The following SEL1L2 variants were observed in gnomAD, a reference collection of about 807,000 sequenced individuals.
SEL1L2 encodes SEL1L2 adaptor subunit of SYVN1 ubiquitin ligase, also known as protein sel-1 homolog 2.
Under a neutral mutation model 98.8 loss-of-function variants are expected in SEL1L2, and 89 were observed. The ratio of observed to expected loss-of-function variants is 0.90; its 90% confidence interval spans 0.76 to 1.07. SEL1L2 has a LOEUF of 1.07. SEL1L2 is among the 50% of genes least tolerant of loss of function. SEL1L2 has a pLI of 0.00. For missense variants in SEL1L2, 788 were observed against 812.0 expected (o/e 0.97, Z 0.36); for synonymous variants, 262 against 278.5 (o/e 0.94, Z 0.59).
intron 18 of SEL1L2, among the ~76,000 whole-genome samples, chr20:13,854,374 G>T (rs188590344): frequency 8.5e-5 from 13 of 152,288 alleles, no homozygotes; most frequent in Admixed American, 1.3e-4. Context: ...ATGTAAAAAG[G>T]TTGTCATATG....
intron 10 of SEL1L2, among the ~76,000 whole-genome samples, chr20:13,878,001 T>A (rs1469638023): frequency 6.6e-6 from 1 of 152,142 alleles, no homozygotes; most frequent in Non-Finnish European, 1.5e-5. Flanking sequence ...GGATACACAG[T>A]TTGCTAATGT....
chr20:13,935,735 C>T lies in SEL1L2; in HGVS notation c.115-3964G>A, dbSNP rs143221259. Among the ~76,000 whole-genome samples the T allele has an allele frequency of 4.0e-3, 611 of 152,206 alleles. 1 individual carries two copies. Among genetic ancestry groups the T allele is most frequent in the East Asian group, 9.9e-3 (51 of 5,174 alleles). On this transcript the variant is annotated intron_variant, in intron 2 of 19. Transcript: ENST00000284951. ...TGGGAGCCCTATGGAGGGTTCTGAG[C>T]AGAGGAGTGATATTAACTGAATTAA...
At chr20:13,912,245 T>C (rs1483458370) in intron 5 of SEL1L2, among the ~76,000 whole-genome samples, 1 of 151,630 alleles carries the variant, frequency 6.6e-6, no homozygotes, top group East Asian at 1.9e-4. Context: ...TCGCCACCAG[T>C]GTATGAAGAC....
At chr20:13,895,520 T>G (rs1274254498) in intron 5 of SEL1L2, among the ~76,000 whole-genome samples, 1 of 148,494 alleles carries the variant, frequency 6.7e-6, no homozygotes, top group Non-Finnish European at 1.5e-5. Flanking sequence ...AAGCCATTGA[T>G]GGATAAAAAA....
At chr20:13,907,716 T>TTCTC (rs2048006033) in intron 5 of SEL1L2, among the ~76,000 whole-genome samples, 1 of 119,294 alleles carries the variant, frequency 8.4e-6, no homozygotes, top group Non-Finnish European at 1.8e-5. Context: ...CTTTCTTTCT[T>TTCTC]TCTTTCTTTC....
chr20:13,861,730 C>T (rs1237892378), intron 17 of SEL1L2, among the ~76,000 whole-genome samples: 2 of 152,118 alleles, frequency 1.3e-5, no homozygotes, highest in African/African-American at 4.8e-5. Context: ...TTGCTTTGCC[C>T]TTGGAATAAT....
At chr20:13,926,515 T>C (rs1268663298) in intron 3 of SEL1L2, among the ~76,000 whole-genome samples, 1 of 152,042 alleles carries the variant, frequency 6.6e-6, no homozygotes, top group African/African-American at 2.4e-5. Flanking sequence ...TAGGGTTAGA[T>C]GATCCTGCCT....
At chr20:13,877,122 G>A (rs1422200521) in intron 11 of SEL1L2, among the ~76,000 whole-genome samples, 4 of 152,168 alleles carry the variant, frequency 2.6e-5, no homozygotes, top group Non-Finnish European at 2.9e-5. Context: ...ACCGTGCCCG[G>A]CCAAGGTGCA....
intron 1 of SEL1L2, among the ~76,000 whole-genome samples, chr20:13,981,757 G>C (rs1416877898): frequency 6.6e-6 from 1 of 152,134 alleles, no homozygotes; most frequent in African/African-American, 2.4e-5. Flanking sequence ...CATAACACCT[G>C]GTCTCTCCTG....
At position 13,870,149 on chromosome 20, in the gene SEL1L2, C is replaced by G; in HGVS notation, c.1159G>C (p.Val387Leu). ...AAAATAATTTAACTTACCAGGGGAA[C>G]TCCTTTTCCATGAAAGTAAAGAAGA... ...LGLLYFHGKG[V>L]PLNYAEALKY... is the part of the protein sequence containing the mutation. The change falls in exon 13 of 20, where the codon GTT (valine) becomes CTT (leucine). Residue 387 changes from valine to leucine, a missense_variant. Coordinates refer to ENST00000284951, the MANE Select transcript of SEL1L2 (RefSeq NM_025229.2). 1 of 1,604,218 alleles carries G rather than the reference C, an allele frequency of 6.2e-7. No individual in the cohort carries two copies. Among genetic ancestry groups the G allele is most frequent in the Non-Finnish European group, 8.5e-7 (1 of 1,172,320 alleles).
upstream of SEL1L2, among the ~76,000 whole-genome samples, chr20:13,993,114 T>C (rs17226852): frequency 0.068 from 10,294 of 152,198 alleles, 397 homozygotes; most frequent in Non-Finnish European, 0.078. Flanking sequence ...GTCTAGACAA[T>C]GGACAGAAGA....
chr20:13,900,978 A>C (rs2047644285), intron 5 of SEL1L2, among the ~76,000 whole-genome samples: 1 of 151,346 alleles, frequency 6.6e-6, no homozygotes, highest in Non-Finnish European at 1.5e-5. Context: ...AATTCATTAT[A>C]TTGATTTCAG....
chr20:13,983,193 AG>A (rs1233546487), intron 1 of SEL1L2, among the ~76,000 whole-genome samples: 3 of 151,976 alleles, frequency 2.0e-5, no homozygotes, highest in Admixed American at 6.6e-5. Context: ...TTTCACTCTG[AG>A]GATTTACCAA....
intron 8 of SEL1L2, among the ~76,000 whole-genome samples, chr20:13,887,458 C>G (rs1315340984): frequency 6.6e-6 from 1 of 152,108 alleles, no homozygotes; most frequent in Non-Finnish European, 1.5e-5. Context: ...TTTAGGGAAA[C>G]TGCTTAATAT....
At position 13,865,494 on chromosome 20, in the gene SEL1L2, T is replaced by A. The variant is rs756253193; in HGVS notation, c.1425A>T (p.Glu475Asp). ...TAVELYKGVCELGHWAEKFLT... is the reference protein window; with the variant it reads ...TAVELYKGVCDLGHWAEKFLT... ...GGAATTTCTCAGCCCAGTGGCCTAGTTCACAGACACCTTTATAAAGCTGTA... is the reference window on the plus strand; with the variant it reads ...GGAATTTCTCAGCCCAGTGGCCTAGATCACAGACACCTTTATAAAGCTGTA... Residue 475 changes from glutamate to aspartate, a missense_variant, in exon 16 of 20, where the codon GAA (glutamate) becomes GAT (aspartate). Physicochemically the swap from Glu to Asp is conservative, Grantham distance 45. Coordinates refer to ENST00000284951, the MANE Select transcript of SEL1L2 (RefSeq NM_025229.2). The A allele has an allele frequency of 4.3e-6, 7 of 1,613,882 alleles. No homozygotes were observed. The South Asian group carries it at 7.7e-5, about 18-fold the overall frequency.
rs1422276732 is a variant in SEL1L2 at position 13,911,414 on chromosome 20, C to A, written c.549+2368G>T. ...AGTGGTGGGAGTGGAGTGAGGGTAA[C>A]ATTTGGTCTTTAGTGATACCATTTT... On this transcript the variant is annotated intron_variant, in intron 5 of 19. Coordinates refer to ENST00000284951, the MANE Select transcript of SEL1L2 (RefSeq NM_025229.2). Among the ~76,000 whole-genome samples, 6 of 152,150 alleles carry A rather than the reference C, an allele frequency of 3.9e-5. No homozygotes were observed. In the East Asian group the frequency reaches 1.2e-3, roughly 29 times the overall value.
At chr20:13,877,166 G>A (rs1049806875) in intron 11 of SEL1L2, among the ~76,000 whole-genome samples, 1 of 152,104 alleles carries the variant, frequency 6.6e-6, no homozygotes, top group South Asian at 2.1e-4. Context: ...CCAGATAAAG[G>A]CTGCTGTTAT....
At chr20:13,905,317 T>C (rs1245791831) in intron 5 of SEL1L2, among the ~76,000 whole-genome samples, 2 of 149,880 alleles carry the variant, frequency 1.3e-5, no homozygotes, top group Non-Finnish European at 3.0e-5. Flanking sequence ...AACTTTTTTT[T>C]TTTTTTTTTT....
chr20:13,976,219 C>T (rs915514600), intron 1 of SEL1L2, among the ~76,000 whole-genome samples: 1 of 151,878 alleles, frequency 6.6e-6, no homozygotes, highest in Non-Finnish European at 1.5e-5. Flanking sequence ...CCAGGCTGGT[C>T]TCGATCTCCT....
Sources: gnomAD v4.1 joint callset for allele counts (sites outside exome capture counted in the v4.1 genomes callset) on GRCh38, gnomAD v4.1.1 for gene constraint, MANE v1.5 for transcripts, NCBI Gene and HGNC (gene_info 2026-07-23, HGNC 2026-07-21) for gene names.